Variants in PRPF40B observed in about 807,000 individuals in gnomAD.
The protein encoded by PRPF40B is pre-mRNA-processing factor 40 homolog B.
In PRPF40B, 56 loss-of-function variants were observed where a neutral mutation model predicts 124.5. The ratio of observed to expected loss-of-function variants is 0.45; its 90% CI spans 0.36 to 0.56. The LOEUF is 0.56. Ranked by LOEUF, PRPF40B falls within the 20% of genes least tolerant of loss-of-function variation. The probability of loss-of-function intolerance (pLI) is 0.00; values close to 1 mark genes in which losing one functional copy is unlikely to be tolerated. For synonymous variants in PRPF40B, 443 were observed against 426.4 expected (o/e 1.04, Z -0.48); for missense variants, 1,053 against 1,169.5 (o/e 0.90, Z 1.45).
In PRPF40B at chr12:49,642,878, C is replaced by A; in HGVS notation, c.2119-52C>A. On this transcript the variant is annotated intron_variant, in intron 21 of 25. Coordinates refer to ENST00000548825, the MANE Select transcript of PRPF40B (RefSeq NM_001031698.3). The surrounding 1 kb of genome is among the most constrained non-coding windows in gnomAD (Gnocchi z 5.8). ...CCAGATTTTAGGAAGTAGGATCCTT[C>A]CTGGGGCTAAGTCTGGTGCTGTCCT... is the stretch of plus-strand genomic sequence containing the variant. 1 of 1,564,468 alleles carries A rather than the reference C, an allele frequency of 6.4e-7. No individual in the cohort carries two copies. Among genetic ancestry groups the A allele is most frequent in the Non-Finnish European group, 8.7e-7 (1 of 1,148,810 alleles).
In PRPF40B at chr12:49,635,272, G is replaced by A. The variant is rs374467717; in HGVS notation, c.1166+9G>A. The A allele has an allele frequency of 9.8e-5, 158 of 1,611,614 alleles. No individual in the cohort carries two copies. The highest frequency in any genetic ancestry group is 1.3e-4 in the Non-Finnish European group (152 of 1,178,798). Reference sequence around the variant, plus strand: ...TCCACCACCCGCTACCGGTCAGGGGGCCAGGCTGGGCTGGGACTTGGGAAC... The same window carrying A: ...TCCACCACCCGCTACCGGTCAGGGGACCAGGCTGGGCTGGGACTTGGGAAC... On this transcript the variant is annotated intron_variant, in intron 13 of 25. Coordinates refer to ENST00000548825, the MANE Select transcript of PRPF40B (RefSeq NM_001031698.3). This position sits in a 1 kb window ranked among gnomAD's most constrained non-coding sequence, Gnocchi z 4.1.
intron 12 of PRPF40B, 100 bp from the exon 13 acceptor site, chr12:49,634,999 C>T: frequency 8.0e-7 from 1 of 1,248,740 alleles, no homozygotes; most frequent in Non-Finnish European, 1.1e-6. Context: ...GCCCTTGGAG[C>T]CCCTGCAGCC....
At chr12:49,643,528 T>G in intron 23 of PRPF40B, 131 bp downstream of exon 23, 3 of 1,378,196 alleles carry the variant, frequency 2.2e-6, no homozygotes, top group Non-Finnish European at 2.9e-6. Flanking sequence ...TAGAAAGAAC[T>G]TCCTCTACCT....
intron 12 of PRPF40B, 123 bp downstream of exon 12, chr12:49,634,725 G>T (rs1592591063): frequency 3.1e-6 from 4 of 1,273,688 alleles, no homozygotes; most frequent in East Asian, 2.5e-5. Context: ...GATAGATTGG[G>T]TTGGGGTGCA....
Position 49,643,863 on chromosome 12 carries a change from T to C in PRPF40B, c.2445T>C (p.Asn815=), listed in dbSNP as rs566216578. 6.2e-7 allele frequency: 1 copy of C among 1,614,166 alleles called. No individual in the cohort carries two copies. Among genetic ancestry groups the C allele is most frequent in the East Asian group, 2.2e-5 (1 of 44,878 alleles). The change falls in exon 25 of 26, where the codon AAT becomes AAC. Residue 815 remains asparagine (N), a splice_region_variant and synonymous_variant. Coordinates refer to ENST00000548825, the MANE Select transcript of PRPF40B (RefSeq NM_001031698.3). ...AGGTGGGCTCTGGACTCTTACAGAATAGTCCTGAGAGTGAGACAGACCCTG... is the reference window on the plus strand; with the variant it reads ...AGGTGGGCTCTGGACTCTTACAGAACAGTCCTGAGAGTGAGACAGACCCTG... The part of the protein sequence containing the change: ...KKTKKRRHKS[N]SPESETDPEE...
In PRPF40B at chr12:49,635,718, G is replaced by C. The variant is rs2138516168; in HGVS notation, c.1276-125G>C. 1 of 1,185,152 alleles carries C rather than the reference G, an allele frequency of 8.4e-7. No homozygotes were observed. Among genetic ancestry groups the C allele is most frequent in the Non-Finnish European group, 1.2e-6 (1 of 842,540 alleles). 73.4% of individuals were successfully genotyped at this position (1,185,152 alleles called of 1,614,324 possible). ...TACTCCCTCCCCTTCCCTGAGACAT[G>C]AAAGTCTTGAGTATGGCCTTCTTCC... On this transcript the variant is annotated intron_variant, in intron 14 of 25. Transcript: ENST00000548825. This position sits in a 1 kb window ranked among gnomAD's most constrained non-coding sequence, Gnocchi z 4.1.
At chr12:49,641,811 A>G (rs1193892521) in intron 18 of PRPF40B, 97 bp from the exon 19 acceptor site, 1 of 976,534 alleles carries the variant, frequency 1.0e-6, no homozygotes, top group East Asian at 2.4e-5. Context: ...TTCCAGAGGC[A>G]AGGGCCTTCT....
intron 12 of PRPF40B, 138 bp downstream of exon 12, chr12:49,634,740 G>T: frequency 9.4e-7 from 1 of 1,062,208 alleles, no homozygotes. Context: ...GGTGCAAGGG[G>T]AAGAAAAGCT....
At chr12:49,626,320 G>A (rs1328319849) in intron 1 of PRPF40B, among the ~76,000 whole-genome samples, 1 of 152,204 alleles carries the variant, frequency 6.6e-6, no homozygotes, top group African/African-American at 2.4e-5. Flanking sequence ...TATAAAAGGA[G>A]AAAACTCAAT....
chr12:49,629,910 G>C (rs1338230813), intron 1 of PRPF40B, among the ~76,000 whole-genome samples: 2 of 152,208 alleles, frequency 1.3e-5, no homozygotes, highest in Non-Finnish European at 1.5e-5. Flanking sequence ...ACACCAAAAA[G>C]GGGATGGAGA....
Position 49,636,731 on chromosome 12 carries a change from A to G in PRPF40B, c.1442A>G (p.Asp481Gly). The change falls in exon 16 of 26, where the codon GAT becomes GGT. Residue 481 changes from aspartate to glycine, a missense_variant. Asp to Gly is a moderately conservative substitution (Grantham distance 94, BLOSUM62 -1). This residue lies in a region of PRPF40B where 895 missense variants were observed against 1,052.2 expected (regional missense o/e 0.85). Coordinates refer to ENST00000548825, the MANE Select transcript of PRPF40B (RefSeq NM_001031698.3). ...CTGTCTTTAGACATGGACAAGGAAG[A>G]TGCACTGATCTGTTTTGAGGAGCAC... ...DHQLQNMDKE[D>G]ALICFEEHIR... 1 of 1,614,208 alleles carries G rather than the reference A, an allele frequency of 6.2e-7. No homozygotes were observed. The highest frequency in any genetic ancestry group is 8.5e-7 in the Non-Finnish European group (1 of 1,180,036).
intron 1 of PRPF40B, 28 bp downstream of exon 1, chr12:49,623,621 G>C (rs1217671688): frequency 8.1e-6 from 10 of 1,232,094 alleles, no homozygotes; most frequent in Non-Finnish European, 1.0e-5. Flanking sequence ...GGGTGGAGGG[G>C]CTCGGGGCGG....
At position 49,633,005 on chromosome 12, in the gene PRPF40B, C is replaced by CG. The variant is rs755524738; in HGVS notation, c.349-9_349-8insG. 6.9e-6 allele frequency: 5 copies of CG among 728,012 alleles called. No homozygotes were observed. The highest frequency in any genetic ancestry group is 4.5e-6 in the Non-Finnish European group (2 of 447,070). 45.1% of individuals were successfully genotyped at this position (728,012 alleles called of 1,614,324 possible). Reference sequence around the variant, plus strand: ...TTGACCACCATTCTGTGCCCCCCCCCCCACCCAGAGGGCCCTATGGAGTGA... The same window carrying CG: ...TTGACCACCATTCTGTGCCCCCCCCCGCCACCCAGAGGGCCCTATGGAGTGA... On this transcript the variant is annotated splice_polypyrimidine_tract_variant and intron_variant, in intron 6 of 25. Transcript: ENST00000548825.
chr12:49,623,035 G>A (rs1940341241), upstream of PRPF40B, among the ~76,000 whole-genome samples: 1 of 151,462 alleles, frequency 6.6e-6, no homozygotes, highest in Non-Finnish European at 1.5e-5. Context: ...CCACAAGGGC[G>A]TGATTTCGGG....
rs1592587684 is a variant in PRPF40B at position 49,633,670 on chromosome 12, C to T, written c.605+9C>T. On this transcript the variant is annotated intron_variant, in intron 9 of 25. Transcript: ENST00000548825. ...AAACAAGAGGCTGCAGGGTGAGTGA[C>T]TTGCCCACCTATCCATTTATAGTTG... The T allele has an allele frequency of 6.2e-7, 1 of 1,614,170 alleles. No homozygotes were observed. The highest frequency in any genetic ancestry group is 1.1e-5 in the South Asian group (1 of 91,084).
Position 49,642,007 on chromosome 12 carries a change from A to G in PRPF40B, c.1867A>G (p.Lys623Glu), listed in dbSNP as rs1025312356. 5 of 1,613,154 alleles carry G rather than the reference A, an allele frequency of 3.1e-6. No homozygotes were observed. Among genetic ancestry groups the G allele is most frequent in the Non-Finnish European group, 4.2e-6 (5 of 1,180,026 alleles). Reference sequence around the variant, plus strand: ...TGCCGCACTGGACGCAGGCAACATCAAGCTGACCTTCAATAGTGTGAGGGG... The same window carrying G: ...TGCCGCACTGGACGCAGGCAACATCGAGCTGACCTTCAATAGTGTGAGGGG... ...RAAALDAGNI[K>E]LTFNSLLEKA... Residue 623 changes from lysine to glutamate, a missense_variant, in exon 19 of 26, where the codon AAG becomes GAG. Physicochemically the swap from Lys to Glu is moderately conservative, Grantham distance 56. Transcript: ENST00000548825. This position sits in a 1 kb window ranked among gnomAD's most constrained non-coding sequence, Gnocchi z 5.8.
chr12:49,634,371 A>G lies in PRPF40B; in HGVS notation c.852A>G (p.Ser284=), dbSNP rs767844026. 1 of 1,614,250 alleles carries G rather than the reference A, an allele frequency of 6.2e-7. No homozygotes were observed. ...AGCCACAGCAGGAGGAGGAGGAATCAAAGCCAGAACCAGAGAGGTCTGGCC... is the reference window on the plus strand; with the variant it reads ...AGCCACAGCAGGAGGAGGAGGAATCGAAGCCAGAACCAGAGAGGTCTGGCC... ...QHQPQQEEEE[S]KPEPERSGLS... Residue 284 remains serine, a synonymous_variant, in exon 11 of 26, where the codon TCA becomes TCG. Transcript: ENST00000548825.
intron 15 of PRPF40B, among the ~76,000 whole-genome samples, 192 bp downstream of exon 15, chr12:49,636,185 C>G (rs1261167464): frequency 6.6e-6 from 1 of 152,190 alleles, no homozygotes; most frequent in Non-Finnish European, 1.5e-5. Flanking sequence ...ACCCCTCCCT[C>G]TGGGGTCCAC....
At chr12:49,641,566 A>G (rs1478945046) in intron 18 of PRPF40B, 1 of 299,046 alleles carries the variant, frequency 3.3e-6, no homozygotes, top group Non-Finnish European at 6.3e-6. Context: ...TTGATTGAGA[A>G]TGCATGGAAG....
Sources: gnomAD v4.1 joint callset for allele counts (sites outside exome capture counted in the v4.1 genomes callset) on GRCh38, gnomAD v4.1.1 for gene constraint, gnomAD v4.1.1 regional missense constraint, Gnocchi (gnomAD v3.1) non-coding constraint, MANE v1.5 for transcripts, NCBI Gene and HGNC (gene_info 2026-07-23, HGNC 2026-07-21) for gene names.